Variants in CYP11A1 observed in about 807,000 individuals in gnomAD.
The protein encoded by CYP11A1 is cytochrome P450 family 11 subfamily A member 1, also known as cholesterol side-chain cleavage enzyme, mitochondrial.
Under a neutral mutation model 51.9 loss-of-function variants are expected in CYP11A1, and 25 were observed. The observed-to-expected ratio is 0.48, with a 90% confidence interval of 0.35 to 0.67. The LOEUF (loss-of-function observed/expected upper bound fraction) is 0.67. CYP11A1 is among the 30% of genes least tolerant of loss of function. The pLI is 0.00. For missense variants in CYP11A1, 578 were observed against 680.9 expected (o/e 0.85, Z 1.68); for synonymous variants, 245 against 262.1 (o/e 0.93, Z 0.63).
At chr15:74,357,996 T>C (rs962069492) in intron 1 of CYP11A1, among the ~76,000 whole-genome samples, 1 of 152,226 alleles carries the variant, frequency 6.6e-6, no homozygotes, top group African/African-American at 2.4e-5. Context: ...CACGTCAATA[T>C]TTATACTGAC....
At chr15:74,359,025 A>G (rs535369923) in intron 1 of CYP11A1, among the ~76,000 whole-genome samples, 3 of 152,308 alleles carry the variant, frequency 2.0e-5, no homozygotes, top group African/African-American at 4.8e-5. Flanking sequence ...GCACTCTCTA[A>G]TCGGATGTCC....
At chr15:74,365,435 T>C (rs1257189071) in intron 1 of CYP11A1, 1 of 153,456 alleles carries the variant, frequency 6.5e-6, no homozygotes, top group African/African-American at 2.4e-5. Flanking sequence ...AGGACAGGAA[T>C]CTAGCTGGGT....
intron 1 of CYP11A1, chr15:74,366,168 C>CG (rs574487351): frequency 4.1e-6 from 4 of 985,500 alleles, no homozygotes; most frequent in East Asian, 1.1e-4. Flanking sequence ...TAGCGCGGCC[C>CG]GGGCGGCGGC....
chr15:74,364,266 C>G (rs900712488), intron 1 of CYP11A1: 1 of 152,574 alleles, frequency 6.6e-6, no homozygotes, highest in African/African-American at 2.4e-5. Context: ...TGCCCCAAGC[C>G]AGCATGAAGC....
chr15:74,364,446 C>G (rs1197987654), intron 1 of CYP11A1: 1 of 152,200 alleles, frequency 6.6e-6, no homozygotes, highest in African/African-American at 2.4e-5. Context: ...GACTATGTAA[C>G]TTGAATACTT....
intron 6 of CYP11A1, 112 bp from the exon 7 acceptor site, chr15:74,339,427 T>TCCCCA: frequency 7.1e-7 from 1 of 1,406,596 alleles, no homozygotes; most frequent in Admixed American, 1.8e-5. Flanking sequence ...TGGGGGGACC[T>TCCCCA]GGGGGTAGGG....
chr15:74,349,743 G>GA (rs923710311), intron 1 of CYP11A1, among the ~76,000 whole-genome samples: 35 of 148,600 alleles, frequency 2.4e-4, no homozygotes, highest in Admixed American at 9.4e-4. Context: ...AAGAACCCGC[G>GA]AAAAAAAAAA....
At chr15:74,361,207 T>C (rs1567057585) in intron 1 of CYP11A1, among the ~76,000 whole-genome samples, 1 of 152,224 alleles carries the variant, frequency 6.6e-6, no homozygotes, top group Non-Finnish European at 1.5e-5. Flanking sequence ...TTATTTGACA[T>C]GTTTAGGTAC....
intron 1 of CYP11A1, chr15:74,350,261 A>G (rs1428327213): frequency 4.3e-6 from 1 of 234,016 alleles, no homozygotes; most frequent in Non-Finnish European, 9.5e-6. Context: ...TGCTCTGTAT[A>G]AAACAAGAAC....
intron 2 of CYP11A1, among the ~76,000 whole-genome samples, chr15:74,346,754 G>A (rs1176879117): frequency 1.3e-5 from 2 of 151,174 alleles, no homozygotes; most frequent in East Asian, 1.9e-4. Flanking sequence ...CAGTTGCTCT[G>A]TAGCCTTACC....
intron 5 of CYP11A1, 56 bp from the exon 6 acceptor site, chr15:74,339,809 T>A: frequency 1.3e-6 from 2 of 1,551,554 alleles, no homozygotes; most frequent in Non-Finnish European, 1.8e-6. Flanking sequence ...CCGGGGCCCC[T>A]TGAGGTCCTT....
intron 4 of CYP11A1, 134 bp downstream of exon 4, chr15:74,343,655 T>C: frequency 1.2e-6 from 1 of 817,434 alleles, no homozygotes; most frequent in Non-Finnish European, 2.1e-6. Flanking sequence ...AGGGCCTTCC[T>C]GACACCCACG....
In CYP11A1 at chr15:74,367,366, C is replaced by T. The variant is rs1217489154; in HGVS notation, c.220G>A (p.Val74Ile). ...HFWRETGTHK[V>I]HLHHVQNFQK... ...AAATTCTGGACATGGTGAAGGTGGA[C>T]TTTGTGTGTGCCCGTCTCCCTCCAG... Residue 74 changes from valine to isoleucine, a missense_variant, in exon 1 of 9, where the codon GTC becomes ATC. Transcript: ENST00000268053. 1 of 1,614,136 alleles carries T rather than the reference C, an allele frequency of 6.2e-7. No individual in the cohort carries two copies. Among genetic ancestry groups the T allele is most frequent in the South Asian group, 1.1e-5 (1 of 91,074 alleles).
chr15:74,356,613 C>A (rs2141242906), intron 1 of CYP11A1: 1 of 152,352 alleles, frequency 6.6e-6, no homozygotes, highest in Admixed American at 6.5e-5. Flanking sequence ...AACTTCCCAA[C>A]TCTGGTGCCA....
Position 74,337,845 on chromosome 15 carries a change from C to A in CYP11A1, c.*127G>T. The A allele has an allele frequency of 7.8e-7, 1 of 1,281,130 alleles. No individual in the cohort carries two copies. 79.4% of individuals were successfully genotyped at this position (1,281,130 alleles called of 1,614,324 possible). ...CTGAGGAAGGTGACCACTGAGAACCCATTCAACCTGCTGAGCAGGCTGGGC... is the reference window on the plus strand; with the variant it reads ...CTGAGGAAGGTGACCACTGAGAACCAATTCAACCTGCTGAGCAGGCTGGGC... On this transcript the variant is annotated 3_prime_UTR_variant, in exon 9 of 9. Transcript: ENST00000268053.
chr15:74,348,580 G>A (rs948943703), intron 1 of CYP11A1, among the ~76,000 whole-genome samples: 1 of 152,172 alleles, frequency 6.6e-6, no homozygotes, highest in African/African-American at 2.4e-5. Context: ...TTCTGAGAGT[G>A]GCCACCCTGA....
At chr15:74,350,248 A>T in intron 1 of CYP11A1, 1 of 266,524 alleles carries the variant, frequency 3.8e-6, no homozygotes, top group Non-Finnish European at 8.0e-6. Context: ...GTATTTTCTA[A>T]ATTGCTCTGT....
At chr15:74,341,312 A>T (rs971694713) in intron 5 of CYP11A1, among the ~76,000 whole-genome samples, 1 of 152,186 alleles carries the variant, frequency 6.6e-6, no homozygotes, top group African/African-American at 2.4e-5. Context: ...TCTTCTACGT[A>T]ATAGACAATG....
intron 8 of CYP11A1, 84 bp downstream of exon 8, chr15:74,338,487 G>T: frequency 2.8e-6 from 4 of 1,403,782 alleles, no homozygotes; most frequent in Non-Finnish European, 4.0e-6. Context: ...TTGGGCTCTG[G>T]ACAGAGATAG....
Sources: gnomAD v4.1 joint callset for allele counts (sites outside exome capture counted in the v4.1 genomes callset) on GRCh38, gnomAD v4.1.1 for gene constraint, MANE v1.5 for transcripts, NCBI Gene and HGNC (gene_info 2026-07-23, HGNC 2026-07-21) for gene names.